ZNHIT3: variants seen among roughly 807,000 people sequenced by gnomAD.
The protein encoded by ZNHIT3 is zinc finger HIT-type containing 3.
In ZNHIT3, 27 loss-of-function variants were observed where a neutral mutation model predicts 19.9. The ratio of observed to expected loss-of-function variants is 1.36; its 90% confidence interval spans 1.00 to 1.87. The LOEUF (loss-of-function observed/expected upper bound fraction) is 1.87, where lower values mean the gene tolerates loss of function less well. Among genes scored for constraint, ZNHIT3 ranks in the 40% most tolerant of loss-of-function variants. The pLI is 0.00. For synonymous variants in ZNHIT3, 81 were observed against 65.7 expected (o/e 1.23, Z -1.13); for missense variants, 215 against 185.6 (o/e 1.16, Z -0.92).
chr17:36,487,739 C>T (rs897799618), intron 2 of ZNHIT3, among the ~76,000 whole-genome samples: 3 of 150,880 alleles, frequency 2.0e-5, no homozygotes, highest in Admixed American at 6.6e-5. Context: ...TGTAGTGAGC[C>T]GAAATCGCAC....
At chr17:36,486,990 T>G (rs1452401306) in intron 2 of ZNHIT3, 24 bp downstream of exon 2, 2 of 1,610,252 alleles carry the variant, frequency 1.2e-6, no homozygotes, top group African/African-American at 2.7e-5. Context: ...CCGCCAGCCC[T>G]CGTACCACTG....
At chr17:36,494,039 A>T in intron 4 of ZNHIT3, 33 bp downstream of exon 4, 1 of 1,506,588 alleles carries the variant, frequency 6.6e-7, no homozygotes, top group Non-Finnish European at 9.2e-7. Context: ...AATCGTTGAG[A>T]TACATTTACT....
chr17:36,496,998 G>T (rs528567232), downstream of ZNHIT3, among the ~76,000 whole-genome samples: 65 of 152,180 alleles, frequency 4.3e-4, no homozygotes, highest in Middle Eastern at 6.8e-3. Context: ...GAGTGACAAT[G>T]ACTTCCTGAG....
At chr17:36,498,322 T>C (rs2071194626), downstream of ZNHIT3, 1 of 1,613,982 alleles carries the variant, frequency 6.2e-7, no homozygotes, top group Non-Finnish European at 8.5e-7. Context: ...GTCTGGACAG[T>C]GTAGCTACTG....
chr17:36,498,653 C>G (rs2071223374), downstream of ZNHIT3: 1 of 1,384,270 alleles, frequency 7.2e-7, no homozygotes, highest in Non-Finnish European at 9.6e-7. Context: ...ATCATCTTAA[C>G]AAGGTGAACT....
At chr17:36,496,568 A>G (rs1031591302), downstream of ZNHIT3, among the ~76,000 whole-genome samples, 1 of 152,186 alleles carries the variant, frequency 6.6e-6, no homozygotes, top group East Asian at 1.9e-4. Context: ...TCAGTGTGAG[A>G]CAGATGAGGA....
In ZNHIT3 at chr17:36,493,954, C is replaced by A; in HGVS notation, c.234C>A (p.Leu78=). 1 of 1,613,622 alleles carries A rather than the reference C, an allele frequency of 6.2e-7. No individual in the cohort carries two copies. The highest frequency in any genetic ancestry group is 8.5e-7 in the Non-Finnish European group (1 of 1,179,674). ...ATGATGACTCTATAGCTGATTTTCT[C>A]AATAGTGATGAGGAAGAAGACAGAG... ...KDDDDSIADF[L]NSDEEEDRVS... Residue 78 remains leucine, a synonymous_variant, in exon 4 of 5, where the codon CTC becomes CTA. Transcript: ENST00000617429.
At chr17:36,487,080 C>G in intron 2 of ZNHIT3, 114 bp downstream of exon 2, 1 of 1,425,672 alleles carries the variant, frequency 7.0e-7, no homozygotes, top group Admixed American at 2.3e-5. Context: ...CGCCTCGGGT[C>G]TCCGCGGGTT....
chr17:36,498,544 G>T, downstream of ZNHIT3: 2 of 1,611,176 alleles, frequency 1.2e-6, no homozygotes. Flanking sequence ...TTAGCAGCAA[G>T]GCAGGCCATT....
At chr17:36,488,100 A>G (rs1342062765) in intron 2 of ZNHIT3, among the ~76,000 whole-genome samples, 1 of 151,962 alleles carries the variant, frequency 6.6e-6, no homozygotes, top group Non-Finnish European at 1.5e-5. Context: ...TCTCAAAAAA[A>G]AAAAAAAAAA....
downstream of ZNHIT3, chr17:36,499,152 A>AAC: frequency 6.2e-7 from 1 of 1,605,290 alleles, no homozygotes; most frequent in Non-Finnish European, 8.5e-7. Flanking sequence ...GTTAACCAGG[A>AAC]ACGAATGGCT....
chr17:36,495,214 A>C lies in ZNHIT3; in HGVS notation c.287-9A>C. 6.5e-7 allele frequency: 1 copy of C among 1,549,682 alleles called. No individual in the cohort carries two copies. Among genetic ancestry groups the C allele is most frequent in the Non-Finnish European group, 8.7e-7 (1 of 1,151,886 alleles). On this transcript the variant is annotated splice_polypyrimidine_tract_variant and intron_variant, in intron 4 of 4. Coordinates refer to ENST00000617429, the MANE Select transcript of ZNHIT3 (RefSeq NM_004773.4). ...ACTCAGACTGGCTTTTTTTCTTGTTAATTTTTAGGGGAATCTGCAACATTA... is the reference window on the plus strand; with the variant it reads ...ACTCAGACTGGCTTTTTTTCTTGTTCATTTTTAGGGGAATCTGCAACATTA...
chr17:36,495,804 C>A lies in ZNHIT3; in HGVS notation c.*400C>A. The A allele has an allele frequency of 8.1e-7, 1 of 1,240,286 alleles. No individual in the cohort carries two copies. The highest frequency in any genetic ancestry group is 1.0e-6 in the Non-Finnish European group (1 of 992,532). The allele number at this position is 1,240,286 out of a possible 1,614,324, so 76.8% of individuals were successfully genotyped here. On this transcript the variant is annotated 3_prime_UTR_variant, in exon 5 of 5. Coordinates refer to ENST00000617429, the MANE Select transcript of ZNHIT3 (RefSeq NM_004773.4). ...TTGTTTGAAATTACATTAAATAAAT[C>A]AACTAATTAAATACTAAAGTTTTGT... is the stretch of plus-strand genomic sequence containing the variant.
At chr17:36,496,455 C>T (rs1193945447), downstream of ZNHIT3, 3 of 1,590,788 alleles carry the variant, frequency 1.9e-6, no homozygotes, top group Non-Finnish European at 1.7e-6. Flanking sequence ...CTGGGAGTGC[C>T]AGGGCCTAAC....
chr17:36,490,943 G>A (rs957360891), intron 2 of ZNHIT3: 1 of 152,036 alleles, frequency 6.6e-6, no homozygotes, highest in Admixed American at 6.6e-5. Context: ...AGCCTCCCAA[G>A]TAGTTGGGAC....
downstream of ZNHIT3, chr17:36,499,266 GTTTT>G (rs111268012): frequency 1.3e-5 from 7 of 554,590 alleles, no homozygotes; most frequent in Non-Finnish European, 2.1e-5. Context: ...TTTCAAATAC[GTTTT>G]TTTTTTTTCA....
chr17:36,498,359 A>G, downstream of ZNHIT3: 1 of 1,614,042 alleles, frequency 6.2e-7, no homozygotes, highest in Non-Finnish European at 8.5e-7. Flanking sequence ...GCTGGAGGCA[A>G]GCCCAGACCA....
At chr17:36,498,718 C>T (rs1346605871), downstream of ZNHIT3, 3 of 759,194 alleles carry the variant, frequency 4.0e-6, no homozygotes, top group Admixed American at 5.8e-5. Flanking sequence ...GTTCCATATG[C>T]CACAAGTCTA....
At chr17:36,498,605 T>C, downstream of ZNHIT3, 1 of 1,528,984 alleles carries the variant, frequency 6.5e-7, no homozygotes, top group Non-Finnish European at 8.8e-7. Context: ...TATCTAGCCC[T>C]CTTAGCAGAA....
Sources: allele counts gnomAD v4.1 joint callset (sites outside exome capture counted in the v4.1 genomes callset), GRCh38; gene constraint gnomAD v4.1.1; transcripts MANE v1.5; gene names NCBI Gene and HGNC (gene_info 2026-07-23, HGNC 2026-07-21).